PCDHA5: variants seen among roughly 807,000 people sequenced by gnomAD.
PCDHA5 encodes protocadherin alpha-5.
Under a neutral mutation model 61.6 loss-of-function variants are expected in PCDHA5, and 43 were observed. The ratio of observed to expected loss-of-function variants is 0.70; its 90% confidence interval spans 0.55 to 0.90. PCDHA5 has a LOEUF of 0.90. PCDHA5 is among the 40% of genes least tolerant of loss of function. PCDHA5 has a pLI of 0.00. For missense variants in PCDHA5, 1,298 were observed against 1,222.7 expected (o/e 1.06, Z -0.92); for synonymous variants, 627 against 543.9 (o/e 1.15, Z -2.13).
chr5:140,885,164 T>G (rs2060495549), intron 1 of PCDHA5, among the ~76,000 whole-genome samples: 1 of 151,598 alleles, frequency 6.6e-6, no homozygotes, highest in African/African-American at 2.4e-5. Context: ...TCTCTACTTT[T>G]TTGTCCTCTA....
At chr5:141,009,019 C>A (rs1160022658) in intron 3 of PCDHA5, among the ~76,000 whole-genome samples, 1 of 152,232 alleles carries the variant, frequency 6.6e-6, no homozygotes, top group Non-Finnish European at 1.5e-5. Context: ...CCTTTAGGCT[C>A]TGTATTTCCC....
chr5:140,929,580 T>A (rs1035039235), intron 1 of PCDHA5: 13 of 442,122 alleles, frequency 2.9e-5, no homozygotes, highest in African/African-American at 1.0e-4. Context: ...AAAAGTAATA[T>A]GACATAAAGG....
At chr5:140,827,915 C>A in intron 1 of PCDHA5, 1 of 875,402 alleles carries the variant, frequency 1.1e-6, no homozygotes, top group Non-Finnish European at 1.8e-6. Flanking sequence ...CATGATGTCG[C>A]TGTCTACCAT....
intron 1 of PCDHA5, among the ~76,000 whole-genome samples, chr5:140,833,023 G>A (rs1772255720): frequency 6.6e-6 from 1 of 152,184 alleles, no homozygotes; most frequent in Admixed American, 6.5e-5. Context: ...GTTCCCATAA[G>A]AGAGAGTGTG....
chr5:140,850,875 G>A lies in PCDHA5; in HGVS notation c.2352+26748G>A, dbSNP rs201934627. 18 of 1,590,472 alleles carry A rather than the reference G, an allele frequency of 1.1e-5. 3 individuals carry two copies. The highest frequency in any genetic ancestry group is 1.5e-5 in the Non-Finnish European group (18 of 1,162,510). ...AACGGGAGAACCCTCTGCTTCCTCAGATTCAACTGGGAAGGTGGGTTTTTC... is the reference window on the plus strand; with the variant it reads ...AACGGGAGAACCCTCTGCTTCCTCAAATTCAACTGGGAAGGTGGGTTTTTC... On this transcript the variant is annotated intron_variant, in intron 1 of 3. Transcript: ENST00000529859.
chr5:140,821,890 A>T lies in PCDHA5; in HGVS notation c.115A>T (p.Lys39Ter), dbSNP rs2150111663. The change falls in exon 1 of 4, where the codon AAA (lysine) becomes TAA (stop). Residue 39 changes from lysine (K) to a stop codon, truncating the protein, a stop_gained. Transcript: ENST00000529859. LOFTEE classifies it high-confidence loss of function. ...QLHYSIPEEAKHGTFVGRIAQ... is the reference protein window; with the variant it reads ...QLHYSIPEEA ...CCACTACTCGATCCCGGAGGAAGCC[A>T]AACACGGAACCTTCGTTGGCCGCAT... The T allele has an allele frequency of 1.2e-6, 2 of 1,614,240 alleles. No homozygotes were observed. The highest frequency in any genetic ancestry group is 3.3e-5 in the Admixed American group (2 of 60,032).
rs782074950 is a variant in PCDHA5, at chr5:140,851,878, A to G, written c.2352+27751A>G. On this transcript the variant is annotated intron_variant, in intron 1 of 3. Transcript: ENST00000529859. ...AGCTCATACATAACACAAGGCAGAA[A>G]TCTGGATATGAGATTTGCCTCTTTA... is the stretch of plus-strand genomic sequence containing the variant. 6.1e-6 allele frequency: 6 copies of G among 977,806 alleles called. 1 individual carries two copies. The highest frequency in any genetic ancestry group is 7.4e-6 in the Non-Finnish European group (6 of 810,298). The allele number at this position is 977,806 out of a possible 1,614,324, so 60.6% of individuals were successfully genotyped here.
intron 1 of PCDHA5, among the ~76,000 whole-genome samples, chr5:140,943,588 T>C (rs1179171934): frequency 1.3e-5 from 2 of 152,176 alleles, no homozygotes; most frequent in Non-Finnish European, 2.9e-5. Context: ...TGAGTGGGGC[T>C]GAATTCTAAA....
At chr5:140,844,885 T>C (rs1288231752) in intron 1 of PCDHA5, among the ~76,000 whole-genome samples, 1 of 149,522 alleles carries the variant, frequency 6.7e-6, no homozygotes, top group Non-Finnish European at 1.5e-5. Flanking sequence ...TTAGACTTCG[T>C]GCATATTGCT....
chr5:140,887,246 G>A (rs1346055055), intron 1 of PCDHA5, among the ~76,000 whole-genome samples: 2 of 151,778 alleles, frequency 1.3e-5, no homozygotes, highest in Non-Finnish European at 2.9e-5. Flanking sequence ...ACCGGCGCCC[G>A]CCACCACGCC....
chr5:140,968,741 A>T, intron 1 of PCDHA5: 1 of 1,614,106 alleles, frequency 6.2e-7, no homozygotes, highest in Non-Finnish European at 8.5e-7. Context: ...TTTCAACCTG[A>T]CCGTGGTGGT....
At chr5:140,907,847 C>T (rs1332235262) in intron 1 of PCDHA5, among the ~76,000 whole-genome samples, 15 of 152,232 alleles carry the variant, frequency 9.9e-5, no homozygotes, top group African/African-American at 3.6e-4. Flanking sequence ...TAAAATCCTC[C>T]TCTGCTGAGG....
intron 1 of PCDHA5, chr5:140,871,263 G>C: frequency 6.2e-7 from 1 of 1,614,010 alleles, no homozygotes; most frequent in Non-Finnish European, 8.5e-7. Context: ...ATACGGCGCT[G>C]TGGTGGTCGG....
At chr5:140,869,548 G>T in intron 1 of PCDHA5, 1 of 1,614,202 alleles carries the variant, frequency 6.2e-7, no homozygotes, top group Non-Finnish European at 8.5e-7. Flanking sequence ...TAAGCAATCG[G>T]ACTCGCGTTT....
Position 140,982,524 on chromosome 5 carries a change from C to T in PCDHA5, c.2461C>T (p.Pro821Ser). ...CATTCTACGGGCTGGTCCAGGAGGG[C>T]CTGATCAGCAGTGGCCAACAGTATC... ...AGILRAGPGG[P>S]DQQWPTVSSA... Residue 821 changes from proline to serine, a missense_variant, in exon 3 of 4, where the codon CCT (proline) becomes TCT (serine). Transcript: ENST00000529859. The T allele has an allele frequency of 6.2e-7, 1 of 1,614,170 alleles. No homozygotes were observed. Among genetic ancestry groups the T allele is most frequent in the Non-Finnish European group, 8.5e-7 (1 of 1,180,030 alleles).
intron 1 of PCDHA5, chr5:140,828,611 T>C: frequency 6.2e-7 from 1 of 1,614,202 alleles, no homozygotes; most frequent in Non-Finnish European, 8.5e-7. Flanking sequence ...TAAACTCAGT[T>C]CTAGCGAATA....
intron 1 of PCDHA5, among the ~76,000 whole-genome samples, chr5:140,908,920 C>A (rs782461394): frequency 6.6e-5 from 10 of 152,180 alleles, no homozygotes; most frequent in Admixed American, 1.3e-4. Flanking sequence ...GTAGGAGGGG[C>A]CAAATGCAGC....
At chr5:140,929,330 G>A (rs2086062257) in intron 1 of PCDHA5, 1 of 1,535,218 alleles carries the variant, frequency 6.5e-7, no homozygotes, top group Non-Finnish European at 8.8e-7. Flanking sequence ...GCCATGGTAA[G>A]CAAATTTTAT....
chr5:140,862,621 C>T, intron 1 of PCDHA5: 1 of 528,720 alleles, frequency 1.9e-6, no homozygotes. Flanking sequence ...TAACAACCCG[C>T]GGGGCTGCCA....
Sources: allele counts gnomAD v4.1 joint callset (sites outside exome capture counted in the v4.1 genomes callset), GRCh38; gene constraint gnomAD v4.1.1; transcripts MANE v1.5; gene names NCBI Gene and HGNC (gene_info 2026-07-23, HGNC 2026-07-21).